Variants in ARNT2 observed in about 807,000 individuals in gnomAD.
ARNT2 encodes aryl hydrocarbon receptor nuclear translocator 2.
Under a neutral mutation model 91.7 loss-of-function variants are expected in ARNT2, and 36 were observed. The ratio of observed to expected loss-of-function variants is 0.39; its 90% CI spans 0.30 to 0.52. The LOEUF is 0.52. Among genes scored for constraint, ARNT2 ranks in the 20% least tolerant of loss-of-function variants. The pLI is 0.72. For synonymous variants in ARNT2, 365 were observed against 347.1 expected (o/e 1.05, Z -0.57); for missense variants, 775 against 939.3 (o/e 0.83, Z 2.29).
At chr15:80,536,400 T>A (rs1455467283) in intron 8 of ARNT2, among the ~76,000 whole-genome samples, 2 of 152,172 alleles carry the variant, frequency 1.3e-5, no homozygotes, top group Admixed American at 1.3e-4. Context: ...AAATGGGATC[T>A]CTACTTGGCC....
intron 15 of ARNT2, among the ~76,000 whole-genome samples, 191 bp downstream of exon 15, chr15:80,577,156 C>T (rs980268089): frequency 6.6e-6 from 1 of 152,170 alleles, no homozygotes. Context: ...GCCATAGATT[C>T]CTGGTGTCAG....
intron 17 of ARNT2, among the ~76,000 whole-genome samples, chr15:80,582,976 G>T (rs1362761168): frequency 6.6e-6 from 1 of 152,112 alleles, no homozygotes; most frequent in African/African-American, 2.4e-5. Context: ...AGGCCTCCTG[G>T]GTACCTAGTC....
At chr15:80,472,108 G>C (rs902339204) in intron 4 of ARNT2, among the ~76,000 whole-genome samples, 1 of 120 alleles carries the variant, frequency 8.3e-3, no homozygotes, top group Non-Finnish European at 0.016. Flanking sequence ...ATAGCCGGTG[G>C]GGGGGCATTG....
At chr15:80,422,647 A>G (rs1895875874) in intron 1 of ARNT2, among the ~76,000 whole-genome samples, 2 of 152,232 alleles carry the variant, frequency 1.3e-5, no homozygotes, top group African/African-American at 4.8e-5. Flanking sequence ...ATAAAGATAA[A>G]CATGCTTCGG....
At chr15:80,559,127 C>G (rs1186306912) in intron 11 of ARNT2, among the ~76,000 whole-genome samples, 1 of 152,252 alleles carries the variant, frequency 6.6e-6, no homozygotes, top group African/African-American at 2.4e-5. Context: ...ACACATGGGC[C>G]TCTCCATCCA....
chr15:80,490,431 C>T (rs909559918), intron 5 of ARNT2, among the ~76,000 whole-genome samples: 3 of 152,192 alleles, frequency 2.0e-5, no homozygotes, highest in African/African-American at 7.2e-5. Context: ...TAGGAGAGGA[C>T]CCAGCAGTCA....
At chr15:80,409,058 G>C (rs1291465186) in intron 1 of ARNT2, among the ~76,000 whole-genome samples, 2 of 152,028 alleles carry the variant, frequency 1.3e-5, no homozygotes, top group African/African-American at 4.8e-5. Flanking sequence ...TACAATTGAT[G>C]AACCTACAAT....
At chr15:80,573,701 TGAA>T (rs1333243402) in intron 12 of ARNT2, among the ~76,000 whole-genome samples, 1 of 152,218 alleles carries the variant, frequency 6.6e-6, no homozygotes, top group Non-Finnish European at 1.5e-5. Flanking sequence ...TTAACCTCTT[TGAA>T]CTTCAGTTTC....
chr15:80,500,592 G>A (rs921844938), intron 5 of ARNT2, among the ~76,000 whole-genome samples: 1 of 152,026 alleles, frequency 6.6e-6, no homozygotes, highest in African/African-American at 2.4e-5. Flanking sequence ...AGTTACTACC[G>A]ACCAAAATAA....
At chr15:80,470,946 C>T (rs1381633054) in intron 4 of ARNT2, among the ~76,000 whole-genome samples, 1 of 152,222 alleles carries the variant, frequency 6.6e-6, no homozygotes. Context: ...TAAACTAGCT[C>T]AACCATTGTA....
intron 12 of ARNT2, 143 bp downstream of exon 12, chr15:80,563,382 G>T: frequency 9.6e-7 from 1 of 1,044,596 alleles, no homozygotes; most frequent in Admixed American, 2.2e-5. Flanking sequence ...AGAGGAGACT[G>T]TAGGTCCCCA....
At chr15:80,408,987 GC>G (rs1451627284) in intron 1 of ARNT2, among the ~76,000 whole-genome samples, 4 of 151,890 alleles carry the variant, frequency 2.6e-5, no homozygotes. Context: ...TATATCCCCT[GC>G]CCCCACACAT....
At chr15:80,429,462 A>G (rs567829332) in intron 1 of ARNT2, among the ~76,000 whole-genome samples, 1 of 152,330 alleles carries the variant, frequency 6.6e-6, no homozygotes, top group South Asian at 2.1e-4. Context: ...TGGAGAGGGC[A>G]TGGAGGCTCC....
At chr15:80,563,798 G>A (rs139417768) in intron 12 of ARNT2, among the ~76,000 whole-genome samples, 4 of 152,208 alleles carry the variant, frequency 2.6e-5, no homozygotes, top group South Asian at 4.1e-4. Flanking sequence ...CACCACTCCT[G>A]TGTTCCATGC....
chr15:80,589,025 G>C (rs1465501204), intron 17 of ARNT2, among the ~76,000 whole-genome samples: 4 of 152,200 alleles, frequency 2.6e-5, no homozygotes, highest in Admixed American at 1.3e-4. Flanking sequence ...CAGTTGATGA[G>C]ATTAGAAGAG....
At chr15:80,521,740 G>T (rs971700399) in intron 8 of ARNT2, among the ~76,000 whole-genome samples, 2 of 152,018 alleles carry the variant, frequency 1.3e-5, no homozygotes, top group Non-Finnish European at 2.9e-5. Flanking sequence ...GTTGGTAATT[G>T]GCAAGCAAAT....
In ARNT2 at chr15:80,486,436, C is replaced by T. The variant is rs1227315618; in HGVS notation, c.622+11213C>T. ...GAAACCAACAAGGGGAGTTGATCCA[C>T]TCACTCTAGTCCTTTACCCAAATAG... On this transcript the variant is annotated intron_variant, in intron 5 of 18. Transcript: ENST00000303329. Among the ~76,000 whole-genome samples the T allele has an allele frequency of 2.6e-5, 4 of 152,194 alleles. No homozygotes were observed. The East Asian group carries it at 5.8e-4, about 22-fold the overall frequency.
In ARNT2 at chr15:80,512,000, A is replaced by G. The variant is rs570279261; in HGVS notation, c.726-1911A>G. ...CGGCACGTAGCAGCACAATGGAACC[A>G]CTTACTAATGTCACCCTCACCTAAT... On this transcript the variant is annotated intron_variant, in intron 6 of 18. Transcript: ENST00000303329. 1.1e-4 allele frequency among the ~76,000 whole-genome samples: 16 copies of G among 152,318 alleles called. No homozygotes were observed. In the South Asian group the frequency reaches 3.3e-3, roughly 32 times the overall value.
intron 3 of ARNT2, among the ~76,000 whole-genome samples, chr15:80,461,092 G>A (rs1454724963): frequency 1.3e-5 from 2 of 152,178 alleles, no homozygotes; most frequent in African/African-American, 2.4e-5. Context: ...GCCTGAGAGC[G>A]AAGTTTAGGG....
Sources: allele counts gnomAD v4.1 joint callset (sites outside exome capture counted in the v4.1 genomes callset), GRCh38; gene constraint gnomAD v4.1.1; transcripts MANE v1.5; gene names NCBI Gene and HGNC (gene_info 2026-07-23, HGNC 2026-07-21).